DYSF: variants seen among roughly 807,000 people sequenced by gnomAD.
DYSF encodes dysferlin.
DYSF carries 212 observed loss-of-function variants against 274.9 expected under a neutral mutation model. The ratio of observed to expected loss-of-function variants is 0.77; its 90% CI spans 0.69 to 0.86. The LOEUF is 0.86. Among genes scored for constraint, DYSF ranks in the 40% least tolerant of loss-of-function variants. DYSF has a pLI of 0.00. For synonymous variants in DYSF, 1,091 were observed against 1,078.7 expected, an observed-to-expected ratio of 1.01 and a Z score of -0.22; for missense variants, 2,666 against 2,783.2, an observed-to-expected ratio of 0.96 and a Z score of 0.95.
intron 41 of DYSF, among the ~76,000 whole-genome samples, chr2:71,622,975 A>G (rs2094137712): frequency 6.6e-6 from 1 of 152,178 alleles, no homozygotes; most frequent in Non-Finnish European, 1.5e-5. Flanking sequence ...ATCAAATGTC[A>G]TTTGGCATTT....
chr2:71,492,587 A>T (rs2083954909), intron 3 of DYSF, among the ~76,000 whole-genome samples: 1 of 152,198 alleles, frequency 6.6e-6, no homozygotes, highest in African/African-American at 2.4e-5. Flanking sequence ...AAGTTGTAAA[A>T]ATAGTACAAG....
chr2:71,572,462 G>C (rs1340413103), intron 29 of DYSF, among the ~76,000 whole-genome samples: 1 of 152,262 alleles, frequency 6.6e-6, no homozygotes, highest in East Asian at 1.9e-4. Flanking sequence ...AAGATGGAAA[G>C]ACACCCATGG....
intron 16 of DYSF, among the ~76,000 whole-genome samples, chr2:71,537,223 GTT>G (rs71402990): frequency 0.017 from 1,344 of 79,712 alleles, 32 homozygotes; most frequent in African/African-American, 0.059. Context: ...TTCTAGTTTT[GTT>G]TTTTTTTTTT....
chr2:71,455,176 A>G (rs1362921172), intron 1 of DYSF, among the ~76,000 whole-genome samples: 1 of 152,192 alleles, frequency 6.6e-6, no homozygotes, highest in Non-Finnish European at 1.5e-5. Flanking sequence ...CACACCCTGG[A>G]GCGTGTGGGA....
At chr2:71,545,049 A>G (rs1438467406) in intron 17 of DYSF, among the ~76,000 whole-genome samples, 2 of 152,198 alleles carry the variant, frequency 1.3e-5, no homozygotes, top group Non-Finnish European at 1.5e-5. Flanking sequence ...AGAGAATAAC[A>G]GAGTAGGGGA....
intron 30 of DYSF, among the ~76,000 whole-genome samples, 178 bp from the exon 31 acceptor site, chr2:71,589,415 G>A (rs2093181362): frequency 6.6e-6 from 1 of 152,160 alleles, no homozygotes; most frequent in African/African-American, 2.4e-5. Flanking sequence ...CTTTGACATT[G>A]GAGTCTGGTG....
chr2:71,668,725 TG>T (rs1558782962), intron 48 of DYSF, 28 bp from the exon 49 acceptor site: 1 of 1,605,412 alleles, frequency 6.2e-7, no homozygotes, highest in East Asian at 2.2e-5. Flanking sequence ...ATGAGAAGGG[TG>T]GGGAGAGAAC....
chr2:71,511,472 A>T (rs1484555042), intron 4 of DYSF, among the ~76,000 whole-genome samples: 1 of 152,204 alleles, frequency 6.6e-6, no homozygotes, highest in East Asian at 1.9e-4. Flanking sequence ...TGCTACATCA[A>T]CTAATTTGCT....
At position 71,513,180 on chromosome 2, in the gene DYSF, GTTTCCTTCA is replaced by G. The variant is rs532649000; in HGVS notation, c.461-59_461-51del. ...TTGGGGATGGAGGTGCAGTAGGTTG[GTTTCCTTCA>G]CCCCAACCTCCTCCCTCCCCTCCCG... On this transcript the variant is annotated intron_variant, in intron 5 of 55. Transcript: ENST00000410020. 306 of 1,521,064 alleles carry G rather than the reference GTTTCCTTCA, an allele frequency of 2.0e-4. No homozygotes were observed. The African/African-American group carries it at 3.9e-3, about 20-fold the overall frequency. The allele number at this position is 1,521,064 out of a possible 1,614,324, so 94.2% of individuals were successfully genotyped here.
intron 52 of DYSF, among the ~76,000 whole-genome samples, chr2:71,675,197 G>A (rs1039721907): frequency 6.6e-6 from 1 of 152,124 alleles, no homozygotes; most frequent in Non-Finnish European, 1.5e-5. Flanking sequence ...TTCTTTTTGC[G>A]GTGATGGAAA....
chr2:71,601,375 C>G, intron 34 of DYSF, 124 bp from the exon 35 acceptor site: 1 of 1,323,032 alleles, frequency 7.6e-7, no homozygotes, highest in South Asian at 1.2e-5. Context: ...CCCTTCTACC[C>G]TCAAGGAATA....
intron 30 of DYSF, among the ~76,000 whole-genome samples, chr2:71,588,034 G>C (rs1452746036): frequency 2.0e-5 from 3 of 152,230 alleles, no homozygotes; most frequent in Non-Finnish European, 4.4e-5. Flanking sequence ...GGTGTCCTAA[G>C]ATGATCTGAA....
rs547535003 is a variant in DYSF, at chr2:71,659,547, C to A, written c.4911+514C>A. ...TAAAAGGGAATGCTGGTAACACTCACCCGGTCTTTATTTAAAATTTTGATA... is the reference window on the plus strand; with the variant it reads ...TAAAAGGGAATGCTGGTAACACTCAACCGGTCTTTATTTAAAATTTTGATA... On this transcript the variant is annotated intron_variant, in intron 44 of 55. Coordinates refer to ENST00000410020, the MANE Select transcript of DYSF (RefSeq NM_001130987.2). Among the ~76,000 whole-genome samples, 175 of 152,282 alleles carry A rather than the reference C, an allele frequency of 1.1e-3. 1 individual carries two copies. Among genetic ancestry groups the A allele is most frequent in the Middle Eastern group, 0.01 (3 of 294 alleles).
chr2:71,587,552 C>T (rs1160611050), intron 30 of DYSF, among the ~76,000 whole-genome samples: 3 of 152,208 alleles, frequency 2.0e-5, no homozygotes, highest in Non-Finnish European at 2.9e-5. Flanking sequence ...GCTAACATTT[C>T]TTGAGCATTT....
chr2:71,595,905 C>T (rs1452689232), intron 32 of DYSF, among the ~76,000 whole-genome samples: 1 of 152,188 alleles, frequency 6.6e-6, no homozygotes, highest in African/African-American at 2.4e-5. Flanking sequence ...CCTCTCCCTC[C>T]TCTTAGCTTT....
intron 12 of DYSF, among the ~76,000 whole-genome samples, chr2:71,523,776 A>G (rs1479115332): frequency 6.6e-6 from 1 of 151,696 alleles, no homozygotes; most frequent in Non-Finnish European, 1.5e-5. Flanking sequence ...CAAACTCCTG[A>G]CCTTGTGATC....
chr2:71,476,823 C>CT (rs1553505730), intron 1 of DYSF, among the ~76,000 whole-genome samples: 2,648 of 137,118 alleles, frequency 0.019, 79 homozygotes, highest in African/African-American at 0.066. Flanking sequence ...GAACTAGCTG[C>CT]TTTTTTTTTT....
intron 43 of DYSF, among the ~76,000 whole-genome samples, chr2:71,658,676 A>G (rs1261837828): frequency 6.6e-6 from 1 of 152,204 alleles, no homozygotes; most frequent in Non-Finnish European, 1.5e-5. Context: ...TAAACCCAAC[A>G]GATCTCATGA....
At position 71,665,170 on chromosome 2, in the gene DYSF, C is replaced by T. The variant is rs542182076; in HGVS notation, c.5183C>T (p.Pro1728Leu). ...TTGTGCTTGCTCCTCAGCTCTGGAC[C>T]GAACCAGTGGCGGGACCAGCTCCGC... is the stretch of plus-strand genomic sequence containing the variant. ...GLPQTYCVSG[P>L]NQWRDQLRPS... The change falls in exon 47 of 56, where the codon CCG becomes CTG. Residue 1728 changes from proline to leucine, a missense_variant. This residue lies in a region of DYSF where 1,460 missense variants were observed against 1,502.1 expected (regional missense o/e 0.97). Transcript: ENST00000410020. 9.9e-6 allele frequency: 16 copies of T among 1,613,922 alleles called. 1 individual carries two copies. Among genetic ancestry groups the T allele is most frequent in the African/African-American group, 4.0e-5 (3 of 75,012 alleles).
Sources: gnomAD v4.1 joint callset for allele counts (sites outside exome capture counted in the v4.1 genomes callset) on GRCh38, gnomAD v4.1.1 for gene constraint, gnomAD v4.1.1 regional missense constraint, MANE v1.5 for transcripts, NCBI Gene and HGNC (gene_info 2026-07-23, HGNC 2026-07-21) for gene names.